Variants in OR1J2 observed in about 807,000 individuals in gnomAD.
The protein encoded by OR1J2 is olfactory receptor 1J2.
For synonymous variants in OR1J2, 142 were observed against 99.7 expected (o/e 1.42, Z -2.52); for missense variants, 304 against 246.1 (o/e 1.24, Z -1.57).
chr9:122,480,949 T>C, the OR1J2 span, among the ~76,000 whole-genome samples: 1 of 152,000 alleles, frequency 6.6e-6, no homozygotes, highest in Non-Finnish European at 1.5e-5. Context: ...TGTGCACCAC[T>C]ACGCCCAGCT....
the OR1J2 span, among the ~76,000 whole-genome samples, chr9:122,527,475 T>C: frequency 6.6e-6 from 1 of 152,176 alleles, no homozygotes; most frequent in Non-Finnish European, 1.5e-5. Flanking sequence ...CTTTCTCCTC[T>C]CTTTACCACT....
the OR1J2 span, chr9:122,567,140 T>C: frequency 2.6e-5 from 4 of 155,228 alleles, no homozygotes; most frequent in Admixed American, 6.5e-5. Context: ...ATTCTTTCTC[T>C]TTTCAATTTT....
the OR1J2 span, among the ~76,000 whole-genome samples, chr9:122,495,005 AT>A: frequency 6.6e-6 from 1 of 152,228 alleles, no homozygotes; most frequent in Non-Finnish European, 1.5e-5. Flanking sequence ...GAGGCTAAAA[AT>A]AGGACCCTAA....
the OR1J2 span, chr9:122,554,099 G>T: frequency 6.2e-7 from 1 of 1,613,680 alleles, no homozygotes; most frequent in South Asian, 1.1e-5. Flanking sequence ...ATAGCTTGAG[G>T]AACAGAGACA....
At chr9:122,496,804 C>G in the OR1J2 span, among the ~76,000 whole-genome samples, 1 of 152,092 alleles carries the variant, frequency 6.6e-6, no homozygotes, top group African/African-American at 2.4e-5. Context: ...GGCAATCAGG[C>G]ATGCATTTAT....
At chr9:122,498,280 T>G in the OR1J2 span, among the ~76,000 whole-genome samples, 2 of 152,188 alleles carry the variant, frequency 1.3e-5, no homozygotes, top group African/African-American at 4.8e-5. Flanking sequence ...AATCCATAGG[T>G]TTGGTCACTT....
upstream of OR1J2, among the ~76,000 whole-genome samples, chr9:122,506,538 GAT>G (rs2119371797): frequency 6.6e-6 from 1 of 152,208 alleles, no homozygotes; most frequent in South Asian, 2.1e-4. Flanking sequence ...CTGGTTTTTA[GAT>G]CCCATAATGA....
At chr9:122,502,340 T>G in the OR1J2 span, among the ~76,000 whole-genome samples, 2 of 152,342 alleles carry the variant, frequency 1.3e-5, no homozygotes, top group South Asian at 4.1e-4. Flanking sequence ...ATGGGTGTAA[T>G]GCAATTTATA....
At chr9:122,492,137 A>G in the OR1J2 span, among the ~76,000 whole-genome samples, 2 of 151,950 alleles carry the variant, frequency 1.3e-5, no homozygotes, top group Non-Finnish European at 2.9e-5. Flanking sequence ...ACAGTTTTTC[A>G]ACTGTTGCCT....
the OR1J2 span, among the ~76,000 whole-genome samples, chr9:122,496,570 A>G: frequency 6.6e-6 from 1 of 152,208 alleles, no homozygotes; most frequent in Non-Finnish European, 1.5e-5. Flanking sequence ...TGCCTGAGAC[A>G]CAGCCTCAGG....
the OR1J2 span, chr9:122,554,234 T>C: frequency 1.8e-5 from 21 of 1,168,226 alleles, no homozygotes; most frequent in Non-Finnish European, 2.6e-5. Context: ...GTAATTCTAC[T>C]ACTGTCATGT....
chr9:122,568,146 C>T, the OR1J2 span: 2 of 1,614,152 alleles, frequency 1.2e-6, no homozygotes, highest in African/African-American at 1.3e-5. Flanking sequence ...GCAGCTGTCA[C>T]TGTTGCCCAA....
At chr9:122,512,697 T>C (rs1028965654), downstream of OR1J2, among the ~76,000 whole-genome samples, 1 of 152,212 alleles carries the variant, frequency 6.6e-6, no homozygotes, top group Non-Finnish European at 1.5e-5. Flanking sequence ...CTCCATATCA[T>C]GGTTTGTATC....
At chr9:122,485,281 G>A in the OR1J2 span, among the ~76,000 whole-genome samples, 1 of 152,146 alleles carries the variant, frequency 6.6e-6, no homozygotes, top group African/African-American at 2.4e-5. Context: ...ATTTATGAAT[G>A]CTTTACTATT....
chr9:122,522,583 A>ATGTG, the OR1J2 span, among the ~76,000 whole-genome samples: 46,849 of 150,744 alleles, frequency 0.31, 7,357 homozygotes, highest in African/African-American at 0.4. Flanking sequence ...AACTGTGTGC[A>ATGTG]TGTGTGTGTG....
chr9:122,480,373 A>C, the OR1J2 span, among the ~76,000 whole-genome samples: 3 of 152,192 alleles, frequency 2.0e-5, no homozygotes, highest in Admixed American at 6.5e-5. Flanking sequence ...AAGGAAAAAT[A>C]ATACTATATC....
the OR1J2 span, chr9:122,477,931 A>C: frequency 6.3e-7 from 1 of 1,575,858 alleles, no homozygotes; most frequent in Non-Finnish European, 8.6e-7. Context: ...GCTCATGTTT[A>C]TATCAGCTGG....
the OR1J2 span, among the ~76,000 whole-genome samples, chr9:122,517,024 T>C: frequency 6.6e-6 from 1 of 152,190 alleles, no homozygotes; most frequent in Non-Finnish European, 1.5e-5. Context: ...ATAAATTGGT[T>C]CAGATTGTAT....
At chr9:122,477,443 G>A in the OR1J2 span, 1 of 1,614,100 alleles carries the variant, frequency 6.2e-7, no homozygotes, top group East Asian at 2.2e-5. Context: ...TGGGCCAGGA[G>A]GAGGGTATGC....
Sources: allele counts gnomAD v4.1 joint callset (sites outside exome capture counted in the v4.1 genomes callset), GRCh38; gene constraint gnomAD v4.1.1; transcripts MANE v1.5; gene names NCBI Gene and HGNC (gene_info 2026-07-23, HGNC 2026-07-21).